ZPBP: variants seen among roughly 807,000 people sequenced by gnomAD.
ZPBP encodes the protein zona pellucida-binding protein 1.
In ZPBP, 26 loss-of-function variants were observed where a neutral mutation model predicts 44.8. The observed-to-expected ratio is 0.58, with a 90% CI of 0.43 to 0.81. The LOEUF is 0.81. ZPBP is among the 30% of genes least tolerant of loss of function. The pLI is 0.00. For synonymous variants in ZPBP, 174 were observed against 153.2 expected, an observed-to-expected ratio of 1.14 and a Z score of -1.00; for missense variants, 409 against 434.0, an observed-to-expected ratio of 0.94 and a Z score of 0.51.
chr7:49,901,822 G>A (rs1314858628), intron 1 of ZPBP, among the ~76,000 whole-genome samples: 1 of 145,866 alleles, frequency 6.9e-6, no homozygotes, highest in Non-Finnish European at 1.5e-5. Context: ...TAGACACATT[G>A]ATCAATGGAA....
At chr7:50,066,899 T>G (rs1465326695) in intron 3 of ZPBP, among the ~76,000 whole-genome samples, 4 of 152,150 alleles carry the variant, frequency 2.6e-5, no homozygotes, top group African/African-American at 9.7e-5. Flanking sequence ...TGGGTCTTGT[T>G]GGCTAATCCA....
intron 2 of ZPBP, among the ~76,000 whole-genome samples, chr7:49,892,852 C>G (rs965384696): frequency 6.6e-6 from 1 of 152,172 alleles, no homozygotes; most frequent in Non-Finnish European, 1.5e-5. Flanking sequence ...CTTCTATGGT[C>G]AAGTGAATTT....
At chr7:49,877,481 A>AAAAAATACATAC in intron 2 of ZPBP, among the ~76,000 whole-genome samples, 1 of 12,722 alleles carries the variant, frequency 7.9e-5, no homozygotes, top group African/African-American at 2.8e-4. Flanking sequence ...AAAAAAAAAA[A>AAAAAATACATAC]ATATATATAT....
Position 49,880,572 on chromosome 7 carries a change from AT to A in ZPBP, n.509+20545del, listed in dbSNP as rs1303065565. Among the ~76,000 whole-genome samples, 6 of 150,738 alleles carry A rather than the reference AT, an allele frequency of 4.0e-5. 1 individual carries two copies. Among genetic ancestry groups the A allele is most frequent in the Middle Eastern group, 6.8e-3 (2 of 294 alleles). ...TAAATTGTGATTTTTTATCATTTCTATTTTTTATTTTTATTTATTTATTTAT... is the reference window on the plus strand; with the variant it reads ...TAAATTGTGATTTTTTATCATTTCTATTTTTATTTTTATTTATTTATTTAT... On this transcript the variant is annotated intron_variant and non_coding_transcript_variant, in intron 2 of 2. Transcript: ENST00000465922.
At chr7:49,951,735 T>A (rs752792068) in intron 7 of ZPBP, among the ~76,000 whole-genome samples, 31 of 151,620 alleles carry the variant, frequency 2.0e-4, no homozygotes, top group Non-Finnish European at 3.7e-4. Context: ...ACTCTTGGTA[T>A]GTACCCAAAA....
chr7:49,996,179 A>T (rs556314285), intron 6 of ZPBP, among the ~76,000 whole-genome samples: 1 of 152,204 alleles, frequency 6.6e-6, no homozygotes, highest in Non-Finnish European at 1.5e-5. Flanking sequence ...AGATAATAGC[A>T]GCTCTAATGG....
chr7:49,890,733 A>C (rs1034543591), intron 2 of ZPBP, among the ~76,000 whole-genome samples: 1 of 9,694 alleles, frequency 1.0e-4, no homozygotes, highest in Non-Finnish European at 2.4e-4. Flanking sequence ...AGCAAAACAA[A>C]AAAAAAAAAA....
intron 2 of ZPBP, among the ~76,000 whole-genome samples, chr7:49,899,510 A>T (rs1206313964): frequency 6.6e-6 from 1 of 152,040 alleles, no homozygotes; most frequent in African/African-American, 2.4e-5. Flanking sequence ...TAATCAAAAT[A>T]AAGGATAAGT....
At chr7:49,917,208 A>G (rs929809683) in intron 1 of ZPBP, 8 of 152,164 alleles carry the variant, frequency 5.3e-5, no homozygotes, top group African/African-American at 1.4e-4. Context: ...CATAATCTGA[A>G]TGATAACCAT....
chr7:49,854,630 T>C (rs141967784), intron 2 of ZPBP, among the ~76,000 whole-genome samples: 4,194 of 152,310 alleles, frequency 0.028, 161 homozygotes, highest in South Asian at 0.12. Context: ...GTCAGATAAG[T>C]AGATTGCAAA....
intron 4 of ZPBP, among the ~76,000 whole-genome samples, chr7:50,039,841 T>C (rs1355445527): frequency 6.9e-6 from 1 of 145,818 alleles, no homozygotes; most frequent in Non-Finnish European, 1.6e-5. Context: ...ATGTGTAATA[T>C]TGATACCATA....
chr7:49,905,588 T>C (rs1793041360), intron 1 of ZPBP, among the ~76,000 whole-genome samples: 1 of 152,182 alleles, frequency 6.6e-6, no homozygotes, highest in East Asian at 1.9e-4. Flanking sequence ...TGTGTGTTTG[T>C]AAACTACAAT....
chr7:49,909,593 G>T (rs1793294488), intron 1 of ZPBP, among the ~76,000 whole-genome samples: 1 of 152,148 alleles, frequency 6.6e-6, no homozygotes, highest in Non-Finnish European at 1.5e-5. Flanking sequence ...AAAGCTAATG[G>T]ATATGTGACA....
chr7:50,010,364 G>T (rs541128256), intron 6 of ZPBP, among the ~76,000 whole-genome samples: 3 of 152,130 alleles, frequency 2.0e-5, no homozygotes, highest in African/African-American at 7.2e-5. Context: ...GCTACTTAAT[G>T]GAGAAAAGAT....
intron 3 of ZPBP, among the ~76,000 whole-genome samples, chr7:50,072,326 A>C (rs1801880776): frequency 6.6e-6 from 1 of 152,222 alleles, no homozygotes. Context: ...GTGCCAGCTC[A>C]GCTGCAATAT....
At chr7:50,085,151 G>T (rs1242650453) in intron 2 of ZPBP, among the ~76,000 whole-genome samples, 1 of 151,986 alleles carries the variant, frequency 6.6e-6, no homozygotes, top group African/African-American at 2.4e-5. Context: ...GGGGAAATTT[G>T]GAAACACAGA....
intron 7 of ZPBP, among the ~76,000 whole-genome samples, chr7:49,979,849 A>T (rs13240067): frequency 2.8e-4 from 13 of 46,958 alleles, no homozygotes; most frequent in African/African-American, 9.8e-4. Flanking sequence ...ATATATATAA[A>T]ATATATATAA....
intron 5 of ZPBP, among the ~76,000 whole-genome samples, chr7:50,028,251 G>A (rs1799425260): frequency 6.6e-6 from 1 of 150,462 alleles, no homozygotes; most frequent in South Asian, 2.1e-4. Context: ...TCAAAATAGA[G>A]TACAATGCAT....
chr7:49,970,914 C>T (rs1796278979), intron 7 of ZPBP, among the ~76,000 whole-genome samples: 1 of 151,762 alleles, frequency 6.6e-6, no homozygotes, highest in Non-Finnish European at 1.5e-5. Flanking sequence ...CATGGTGGTG[C>T]ATGCCTGTAG....
Sources: gnomAD v4.1 joint callset for allele counts (sites outside exome capture counted in the v4.1 genomes callset) on GRCh38, gnomAD v4.1.1 for gene constraint, MANE v1.5 for transcripts, NCBI Gene and HGNC (gene_info 2026-07-23, HGNC 2026-07-21) for gene names.